CNTNAP2: variants seen among roughly 807,000 people sequenced by gnomAD.
The protein encoded by CNTNAP2 is contactin associated protein 2.
A neutral mutation model predicts 155.2 loss-of-function variants in CNTNAP2; 98 were observed. The observed-to-expected ratio is 0.63, with a 90% confidence interval of 0.54 to 0.75. The LOEUF (loss-of-function observed/expected upper bound fraction) is 0.75, where lower values mean the gene tolerates loss of function less well. Ranked by LOEUF, CNTNAP2 falls within the 30% of genes least tolerant of loss-of-function variation. The probability of loss-of-function intolerance (pLI) is 0.00; values close to 1 mark genes in which losing one functional copy is unlikely to be tolerated. For missense variants in CNTNAP2, 1,727 were observed against 1,688.1 expected, an observed-to-expected ratio of 1.02 and a Z score of -0.40; for synonymous variants, 651 against 631.2, an observed-to-expected ratio of 1.03 and a Z score of -0.47.
intron 22 of CNTNAP2, among the ~76,000 whole-genome samples, chr7:148,399,502 C>T (rs558367956): frequency 1.3e-5 from 2 of 152,138 alleles, no homozygotes; most frequent in Non-Finnish European, 2.9e-5. Context: ...ATGCCAACAT[C>T]CCAATATTTT....
At chr7:147,073,399 C>T (rs994972984) in intron 4 of CNTNAP2, among the ~76,000 whole-genome samples, 3 of 151,606 alleles carry the variant, frequency 2.0e-5, no homozygotes, top group Non-Finnish European at 4.4e-5. Flanking sequence ...ATGTTGAATC[C>T]GAAGTGCCTT....
At chr7:147,995,765 G>A (rs147427751) in intron 15 of CNTNAP2, among the ~76,000 whole-genome samples, 2 of 151,926 alleles carry the variant, frequency 1.3e-5, no homozygotes, top group Admixed American at 6.6e-5. Flanking sequence ...TGCCCACCTC[G>A]GCCTCCCAAA....
chr7:147,375,899 G>A (rs1796425296), intron 9 of CNTNAP2, among the ~76,000 whole-genome samples: 1 of 151,976 alleles, frequency 6.6e-6, no homozygotes, highest in Non-Finnish European at 1.5e-5. Context: ...AAGCCCCTTT[G>A]AGCCAGCAGT....
chr7:146,405,208 T>C (rs1795773301), intron 1 of CNTNAP2, among the ~76,000 whole-genome samples: 1 of 152,212 alleles, frequency 6.6e-6, no homozygotes, highest in Admixed American at 6.5e-5. Context: ...TGCAGCCCTG[T>C]CCTGATGGTA....
chr7:147,306,596 T>C (rs912562260), intron 9 of CNTNAP2, among the ~76,000 whole-genome samples: 15 of 152,236 alleles, frequency 9.9e-5, no homozygotes, highest in African/African-American at 3.6e-4. Flanking sequence ...AATGTATCAT[T>C]GGTTTGAAAG....
chr7:146,177,347 A>G (rs1798483954), intron 1 of CNTNAP2, among the ~76,000 whole-genome samples: 1 of 152,212 alleles, frequency 6.6e-6, no homozygotes, highest in African/African-American at 2.4e-5. Context: ...AAGGCTGTGT[A>G]TTCCAGGCAA....
chr7:146,862,310 G>A (rs562093381), intron 3 of CNTNAP2, among the ~76,000 whole-genome samples: 2 of 152,194 alleles, frequency 1.3e-5, no homozygotes, highest in East Asian at 3.9e-4. Context: ...AAAAAGAGCT[G>A]TAGCATTTGG....
chr7:146,574,934 G>T (rs1212330871), intron 1 of CNTNAP2, among the ~76,000 whole-genome samples: 1 of 152,110 alleles, frequency 6.6e-6, no homozygotes, highest in East Asian at 1.9e-4. Flanking sequence ...GAAGCATCAG[G>T]TTGCCAAGCA....
chr7:147,152,901 C>A (rs879244960), intron 8 of CNTNAP2, among the ~76,000 whole-genome samples: 1 of 152,030 alleles, frequency 6.6e-6, no homozygotes, highest in African/African-American at 2.4e-5. Flanking sequence ...TGACATGACC[C>A]AAAGCATAGT....
chr7:146,701,898 G>C (rs901031721), intron 1 of CNTNAP2, among the ~76,000 whole-genome samples: 2 of 152,154 alleles, frequency 1.3e-5, no homozygotes, highest in South Asian at 4.1e-4. Context: ...GGCTATGCTT[G>C]TGATTCAATT....
At chr7:148,399,621 T>G (rs1799541369) in intron 22 of CNTNAP2, among the ~76,000 whole-genome samples, 1 of 152,152 alleles carries the variant, frequency 6.6e-6, no homozygotes, top group African/African-American at 2.4e-5. Context: ...CTTTGGCTGT[T>G]TTTTCCTAAA....
intron 16 of CNTNAP2, among the ~76,000 whole-genome samples, chr7:148,136,497 G>A (rs1299921042): frequency 4.6e-5 from 7 of 152,098 alleles, no homozygotes; most frequent in African/African-American, 7.2e-5. Context: ...TCTAGAAGTC[G>A]ATGCCAGCAC....
chr7:147,713,715 A>C (rs752687746), intron 13 of CNTNAP2, among the ~76,000 whole-genome samples: 8 of 152,110 alleles, frequency 5.3e-5, no homozygotes, highest in Non-Finnish European at 1.2e-4. Flanking sequence ...AGAAACTGCT[A>C]AACTGTTTTC....
chr7:146,223,725 G>A (rs552457818), intron 1 of CNTNAP2, among the ~76,000 whole-genome samples: 2 of 152,234 alleles, frequency 1.3e-5, no homozygotes, highest in Non-Finnish European at 2.9e-5. Context: ...TTATTATAAT[G>A]TAGCTATGGA....
At chr7:147,578,335 G>T (rs1224322997) in intron 12 of CNTNAP2, among the ~76,000 whole-genome samples, 1 of 152,052 alleles carries the variant, frequency 6.6e-6, no homozygotes, top group African/African-American at 2.4e-5. Context: ...TCTTATGAAA[G>T]CATTTAGAAT....
chr7:148,151,423 G>A (rs576827843), intron 17 of CNTNAP2, among the ~76,000 whole-genome samples: 18 of 151,948 alleles, frequency 1.2e-4, no homozygotes, highest in African/African-American at 3.4e-4. Flanking sequence ...CTCCTCTCTC[G>A]GCCTCCTGTG....
intron 1 of CNTNAP2, among the ~76,000 whole-genome samples, chr7:146,741,361 G>T (rs1282755882): frequency 1.3e-5 from 2 of 152,132 alleles, no homozygotes; most frequent in Non-Finnish European, 2.9e-5. Context: ...ATTTTTGACT[G>T]CTCATCTGTT....
At chr7:146,424,509 G>T (rs1256262442) in intron 1 of CNTNAP2, among the ~76,000 whole-genome samples, 1 of 152,140 alleles carries the variant, frequency 6.6e-6, no homozygotes, top group Non-Finnish European at 1.5e-5. Context: ...TTTTATCATG[G>T]TTCAGCAAAC....
chr7:147,722,661 C>A (rs1269896915), intron 13 of CNTNAP2, among the ~76,000 whole-genome samples: 3 of 152,066 alleles, frequency 2.0e-5, no homozygotes, highest in African/African-American at 7.2e-5. Flanking sequence ...CCTTTTAGTA[C>A]CTCCAGACCC....
Sources: gnomAD v4.1 joint callset for allele counts (sites outside exome capture counted in the v4.1 genomes callset) on GRCh38, gnomAD v4.1.1 for gene constraint, MANE v1.5 for transcripts, NCBI Gene and HGNC (gene_info 2026-07-23, HGNC 2026-07-21) for gene names.